Variants in FSTL5 observed in about 807,000 individuals in gnomAD.
FSTL5 encodes the protein follistatin-related protein 5.
A neutral mutation model predicts 89.1 loss-of-function variants in FSTL5; 62 were observed. That is an observed-to-expected ratio of 0.70 (90% CI 0.57 to 0.86). The LOEUF is 0.86. Ranked by LOEUF, FSTL5 falls within the 40% of genes least tolerant of loss-of-function variation. The pLI, the probability that FSTL5 is intolerant of heterozygous loss-of-function variation, is 0.00. For synonymous variants in FSTL5, 383 were observed against 346.2 expected (o/e 1.11, Z -1.18); for missense variants, 1,057 against 1,001.6 (o/e 1.06, Z -0.75).
Position 161,643,839 on chromosome 4 carries a change from C to A in FSTL5, c.894+12489G>T, listed in dbSNP as rs4691777. Among the ~76,000 whole-genome samples the A allele has an allele frequency of 6.9e-3, 1,054 of 152,080 alleles. 16 individuals carry two copies. Among genetic ancestry groups the A allele is most frequent in the South Asian group, 0.047 (224 of 4,812 alleles). ...TGTGGCTACTGTAAGAAAATAAAAT[C>A]TTCAGCAAAATTTTAAATAAGATAG... On this transcript the variant is annotated intron_variant, in intron 7 of 15. Transcript: ENST00000306100.
At chr4:161,540,675 C>A (rs549780084) in intron 9 of FSTL5, among the ~76,000 whole-genome samples, 70 of 152,140 alleles carry the variant, frequency 4.6e-4, no homozygotes, top group African/African-American at 1.7e-3. Flanking sequence ...CTAAGCCTCC[C>A]CACCAGGAGC....
intron 4 of FSTL5, among the ~76,000 whole-genome samples, chr4:161,887,069 T>C (rs1560899976): frequency 6.6e-6 from 1 of 152,186 alleles, no homozygotes; most frequent in Non-Finnish European, 1.5e-5. Flanking sequence ...CTGAAGAATG[T>C]CTGTGTAACA....
chr4:161,468,780 C>T (rs1035854331), intron 13 of FSTL5, among the ~76,000 whole-genome samples: 1 of 151,956 alleles, frequency 6.6e-6, no homozygotes, highest in Non-Finnish European at 1.5e-5. Context: ...TTCTTAGTTG[C>T]TTTTATTATC....
intron 3 of FSTL5, among the ~76,000 whole-genome samples, chr4:161,967,538 A>T (rs760133796): frequency 4.3e-4 from 65 of 152,012 alleles, no homozygotes; most frequent in Admixed American, 4.3e-3. Flanking sequence ...GAAAAGAGAA[A>T]AATATTCAAT....
At chr4:161,726,310 T>C (rs1739412974) in intron 6 of FSTL5, among the ~76,000 whole-genome samples, 1 of 135,662 alleles carries the variant, frequency 7.4e-6, no homozygotes, top group South Asian at 2.4e-4. Context: ...CACTGCTACC[T>C]CCGCCTCCCG....
At chr4:161,840,348 CTT>C (rs2126871088) in intron 4 of FSTL5, among the ~76,000 whole-genome samples, 1 of 152,148 alleles carries the variant, frequency 6.6e-6, no homozygotes, top group African/African-American at 2.4e-5. Flanking sequence ...GAAACTCAGA[CTT>C]GAGAAAAATT....
At chr4:161,791,277 A>G (rs192389472) in intron 4 of FSTL5, among the ~76,000 whole-genome samples, 1 of 152,298 alleles carries the variant, frequency 6.6e-6, no homozygotes. Flanking sequence ...AAAAGCGATC[A>G]TTTACACACT....
At position 162,027,710 on chromosome 4, in the gene FSTL5, A is replaced by G. The variant is rs114834775; in HGVS notation, c.160+5915T>C. 3.5e-3 allele frequency among the ~76,000 whole-genome samples: 539 copies of G among 152,192 alleles called. 2 individuals carry two copies. The highest frequency in any genetic ancestry group is 0.013 in the African/African-American group (521 of 41,558). On this transcript the variant is annotated intron_variant, in intron 3 of 15. Coordinates refer to ENST00000306100, the MANE Select transcript of FSTL5 (RefSeq NM_020116.5). ...TTATTTGTCAACAATTTGCATTTGT[A>G]TTGTTAAGTCAAGTATAAAGTTAAG... is the stretch of plus-strand genomic sequence containing the variant.
chr4:161,751,723 G>A (rs534010624), intron 6 of FSTL5, among the ~76,000 whole-genome samples: 3 of 152,044 alleles, frequency 2.0e-5, no homozygotes, highest in South Asian at 4.1e-4. Context: ...CAAGGCTGCA[G>A]TGAGCTATGA....
intron 2 of FSTL5, among the ~76,000 whole-genome samples, chr4:162,100,331 C>T (rs557915879): frequency 7.2e-5 from 11 of 152,024 alleles, no homozygotes; most frequent in South Asian, 2.1e-4. Context: ...GAGGCCGAGG[C>T]GGGTGGATCA....
intron 4 of FSTL5, among the ~76,000 whole-genome samples, chr4:161,894,903 C>A (rs1733106234): frequency 6.6e-6 from 1 of 152,330 alleles, no homozygotes; most frequent in East Asian, 1.9e-4. Context: ...TAGTAAAGCT[C>A]TCTCAGCTAT....
At chr4:161,763,830 T>C (rs1344835707) in intron 5 of FSTL5, among the ~76,000 whole-genome samples, 1 of 152,180 alleles carries the variant, frequency 6.6e-6, no homozygotes. Flanking sequence ...AGAAAATAAG[T>C]ATACCCCTTC....
At chr4:161,655,625 G>T (rs964856978) in intron 7 of FSTL5, among the ~76,000 whole-genome samples, 5 of 151,978 alleles carry the variant, frequency 3.3e-5, no homozygotes, top group African/African-American at 1.2e-4. Context: ...AAGTAAAAAA[G>T]AATATCTATT....
chr4:161,556,828 A>ATGTGTG lies in FSTL5; in HGVS notation c.1016-14141_1016-14136dup, dbSNP rs150645678. On this transcript the variant is annotated intron_variant, in intron 8 of 15. Transcript: ENST00000306100. ...TTTCTCGGTAAAAGATTATATATAT[A>ATGTGTG]TGTGTGTGTGTGTGTGTGTATATAT... 5.0e-4 allele frequency among the ~76,000 whole-genome samples: 73 copies of ATGTGTG among 147,460 alleles called. 1 individual carries two copies. In the Middle Eastern group the frequency reaches 0.011, roughly 23 times the overall value.
chr4:161,475,964 A>G (rs948658889), intron 13 of FSTL5, among the ~76,000 whole-genome samples: 21 of 152,068 alleles, frequency 1.4e-4, no homozygotes, highest in African/African-American at 4.6e-4. Context: ...CGTGTTAGCG[A>G]GGATGGTCTT....
intron 6 of FSTL5, among the ~76,000 whole-genome samples, chr4:161,705,131 A>C (rs189466848): frequency 6.6e-6 from 1 of 152,128 alleles, no homozygotes; most frequent in Admixed American, 6.6e-5. Context: ...AATAGTTTAT[A>C]TACTCCTCAA....
Position 162,068,608 on chromosome 4 carries a change from C to A in FSTL5, c.127-34950G>T, listed in dbSNP as rs551314307. Among the ~76,000 whole-genome samples, 5 of 152,006 alleles carry A rather than the reference C, an allele frequency of 3.3e-5. No individual in the cohort carries two copies. The East Asian group carries it at 9.7e-4, about 30-fold the overall frequency. ...AAAACTATAAAAACCCAGATGAAAACCTAGGTAATACCATTCAGGACATAG... is the reference window on the plus strand; with the variant it reads ...AAAACTATAAAAACCCAGATGAAAAACTAGGTAATACCATTCAGGACATAG... On this transcript the variant is annotated intron_variant, in intron 2 of 15. Transcript: ENST00000306100.
At chr4:161,833,307 G>T (rs1262609445) in intron 4 of FSTL5, among the ~76,000 whole-genome samples, 2 of 151,730 alleles carry the variant, frequency 1.3e-5, no homozygotes, top group Admixed American at 1.3e-4. Flanking sequence ...CCAACTATGT[G>T]GTCAATTTTG....
chr4:161,525,077 A>G (rs192308183), intron 10 of FSTL5, among the ~76,000 whole-genome samples: 4 of 152,194 alleles, frequency 2.6e-5, no homozygotes, highest in African/African-American at 9.6e-5. Flanking sequence ...CTCAATAGAG[A>G]CTACTTGTTT....
Sources: gnomAD v4.1 joint callset for allele counts (sites outside exome capture counted in the v4.1 genomes callset) on GRCh38, gnomAD v4.1.1 for gene constraint, MANE v1.5 for transcripts, NCBI Gene and HGNC (gene_info 2026-07-23, HGNC 2026-07-21) for gene names.